Variants in MYO1F observed in about 807,000 individuals in gnomAD.
The protein encoded by MYO1F is unconventional myosin-If.
Under a neutral mutation model 146.6 loss-of-function variants are expected in MYO1F, and 60 were observed. That is an observed-to-expected ratio of 0.41 (90% CI 0.33 to 0.51). MYO1F has a LOEUF of 0.51. Ranked by LOEUF, MYO1F falls within the 20% of genes least tolerant of loss-of-function variation. The probability of loss-of-function intolerance (pLI) is 0.25; values close to 1 mark genes in which losing one functional copy is unlikely to be tolerated. For synonymous variants in MYO1F, 602 were observed against 602.1 expected, an observed-to-expected ratio of 1.00 and a Z score of 0.00; for missense variants, 1,274 against 1,534.3, an observed-to-expected ratio of 0.83 and a Z score of 2.83.
At chr19:8,526,628 G>T (rs1254764073) in intron 23 of MYO1F, 27 bp from the exon 24 acceptor site, 3 of 1,573,560 alleles carry the variant, frequency 1.9e-6, no homozygotes. Flanking sequence ...AAGCTTGGGG[G>T]CGCTGGCTGA....
At position 8,545,727 on chromosome 19, in the gene MYO1F, C is replaced by T; in HGVS notation, c.1279G>A (p.Val427Met). ...LTLKAEQEEYVQEGIRWTPIQ... is the reference protein window; with the variant it reads ...LTLKAEQEEYMQEGIRWTPIQ... Reference sequence around the variant, plus strand: ...GGAGTCCAGCGGATGCCTTCCTGCACATACTCCTCCTGGGGTGGAAAAGGG... The same window carrying T: ...GGAGTCCAGCGGATGCCTTCCTGCATATACTCCTCCTGGGGTGGAAAAGGG... The change falls in exon 13 of 28, where the codon GTG (valine) becomes ATG (methionine). Residue 427 changes from valine (V) to methionine (M), a missense_variant. Coordinates refer to ENST00000644032, the MANE Select transcript of MYO1F (RefSeq NM_012335.4). 1 of 1,613,902 alleles carries T rather than the reference C, an allele frequency of 6.2e-7. No homozygotes were observed. Among genetic ancestry groups the T allele is most frequent in the Non-Finnish European group, 8.5e-7 (1 of 1,179,824 alleles).
At chr19:8,555,404 A>G (rs1444363058) in intron 2 of MYO1F, 10 of 392,070 alleles carry the variant, frequency 2.6e-5, no homozygotes, top group South Asian at 6.4e-5. Context: ...AAAAAAAAAA[A>G]AAGAACAAAC....
chr19:8,539,136 C>T (rs576568797), intron 16 of MYO1F, among the ~76,000 whole-genome samples: 15 of 150,910 alleles, frequency 9.9e-5, no homozygotes, highest in Admixed American at 4.6e-4. Context: ...AAAATTAGGC[C>T]GAGCGCGGTG....
intron 19 of MYO1F, among the ~76,000 whole-genome samples, chr19:8,535,810 G>A (rs558479901): frequency 1.3e-5 from 2 of 152,064 alleles, no homozygotes; most frequent in South Asian, 4.2e-4. Context: ...CTCCTGAGTA[G>A]CTGGGACCAC....
chr19:8,522,556 C>G lies in MYO1F; in HGVS notation c.3051-10G>C. 5 of 1,610,814 alleles carry G rather than the reference C, an allele frequency of 3.1e-6. No homozygotes were observed. Among genetic ancestry groups the G allele is most frequent in the Non-Finnish European group, 4.2e-6 (5 of 1,178,862 alleles). ...GCGCTTCCTCTGCATGCTGTGGGCA[C>G]AGGGGGTTTGAGTCACAGCCCCAGA... On this transcript the variant is annotated splice_polypyrimidine_tract_variant and intron_variant, in intron 26 of 27. Transcript: ENST00000644032.
intron 1 of MYO1F, among the ~76,000 whole-genome samples, chr19:8,566,931 C>T (rs1169034154): frequency 1.3e-5 from 2 of 152,020 alleles, no homozygotes; most frequent in Non-Finnish European, 2.9e-5. Context: ...CTTGCTTCAG[C>T]CTATGAAAGT....
intron 21 of MYO1F, chr19:8,529,862 A>C: frequency 2.0e-6 from 1 of 493,440 alleles, no homozygotes; most frequent in African/African-American, 2.0e-5. Context: ...GAACAGATTG[A>C]TCTAGGCTGG....
intron 1 of MYO1F, among the ~76,000 whole-genome samples, chr19:8,568,569 C>G (rs59472184): frequency 6.6e-6 from 1 of 152,060 alleles, no homozygotes; most frequent in East Asian, 1.9e-4. Context: ...TGACAGTTGA[C>G]TGACTGTGTG....
At chr19:8,553,063 G>A (rs1040634114) in intron 6 of MYO1F, 76 bp downstream of exon 6, 2 of 1,336,488 alleles carry the variant, frequency 1.5e-6, no homozygotes, top group Admixed American at 3.4e-5. Flanking sequence ...ATACGGGTGT[G>A]TGTATGTGTG....
At position 8,545,634 on chromosome 19, in the gene MYO1F, T is replaced by G. The variant is rs765949900; in HGVS notation, c.1356+16A>C. 8 of 1,610,868 alleles carry G rather than the reference T, an allele frequency of 5.0e-6. No individual in the cohort carries two copies. Among genetic ancestry groups the G allele is most frequent in the Middle Eastern group, 1.7e-4 (1 of 6,034 alleles). ...GACCAGTGAGACGCCCCCGCCAAAG[T>G]TGACCCAGCCCTCACCAGCTTGTTT... On this transcript the variant is annotated intron_variant, in intron 13 of 27. Coordinates refer to ENST00000644032, the MANE Select transcript of MYO1F (RefSeq NM_012335.4).
At chr19:8,563,734 A>T (rs2041949789) in intron 1 of MYO1F, among the ~76,000 whole-genome samples, 1 of 148,984 alleles carries the variant, frequency 6.7e-6, no homozygotes, top group Non-Finnish European at 1.5e-5. Flanking sequence ...CTGGTCTGGA[A>T]CTCCTGACCT....
intron 1 of MYO1F, among the ~76,000 whole-genome samples, chr19:8,571,168 C>G (rs1468975761): frequency 6.6e-6 from 1 of 152,184 alleles, no homozygotes; most frequent in Non-Finnish European, 1.5e-5. Flanking sequence ...CCTTCCTCAC[C>G]CAGGTCCTGC....
At chr19:8,562,712 T>C (rs1239257134) in intron 1 of MYO1F, among the ~76,000 whole-genome samples, 1 of 151,386 alleles carries the variant, frequency 6.6e-6, no homozygotes, top group African/African-American at 2.4e-5. Context: ...TTAAATTTTT[T>C]TTTTACAGAT....
At chr19:8,572,495 T>A (rs2042128870) in intron 1 of MYO1F, among the ~76,000 whole-genome samples, 1 of 152,014 alleles carries the variant, frequency 6.6e-6, no homozygotes, top group South Asian at 2.1e-4. Context: ...CTCGAACACC[T>A]GACCTCAAGT....
chr19:8,575,298 A>G (rs918322706), intron 1 of MYO1F, among the ~76,000 whole-genome samples: 4 of 148,172 alleles, frequency 2.7e-5, no homozygotes, highest in Non-Finnish European at 4.5e-5. Flanking sequence ...GATCGTTTCT[A>G]TCTCTTGACT....
At position 8,553,868 on chromosome 19, in the gene MYO1F, T is replaced by TCACACACACACACACACACA. The variant is rs374157870; in HGVS notation, c.327-451_327-432dup. ...GCCTGGGTGACAGACTGAGACTCTG[T>TCACACACACACACACACACA]CACACACACACACACACACACACAC... On this transcript the variant is annotated intron_variant, in intron 4 of 27. Transcript: ENST00000644032. Among the ~76,000 whole-genome samples the TCACACACACACACACACACA allele has an allele frequency of 5.4e-3, 653 of 121,472 alleles. 12 individuals carry two copies. Among genetic ancestry groups the TCACACACACACACACACACA allele is most frequent in the African/African-American group, 0.018 (538 of 29,132 alleles). The allele number at this position is 121,472 out of a possible 152,430, so 79.7% of individuals were successfully genotyped here. A position where few individuals can be genotyped will look rare whatever the true frequency, so the allele number is the denominator to read the frequency against.
At chr19:8,547,874 G>T in intron 12 of MYO1F, 162 bp downstream of exon 12, 1 of 667,796 alleles carries the variant, frequency 1.5e-6, no homozygotes, top group Non-Finnish European at 2.6e-6. Flanking sequence ...AAGCTTTAGA[G>T]GCAGAAGGAA....
At chr19:8,532,903 TACACACACACACACACACACACACACAC>T (rs60799506) in intron 19 of MYO1F, among the ~76,000 whole-genome samples, 3 of 113,162 alleles carry the variant, frequency 2.7e-5, no homozygotes, top group East Asian at 2.5e-4. Flanking sequence ...AAAAAAAAAA[TACACACACACACACACACACACACACAC>T]ACACACACAC....
Position 8,536,394 on chromosome 19 carries a change from T to C in MYO1F, c.1901A>G (p.Tyr634Cys), listed in dbSNP as rs1390048273. The C allele has an allele frequency of 1.2e-6, 2 of 1,606,144 alleles. No homozygotes were observed. The highest frequency in any genetic ancestry group is 1.3e-5 in the African/African-American group (1 of 74,688). Residue 634 changes from tyrosine (Y) to cysteine (C), a missense_variant and splice_region_variant, in exon 19 of 28, where the codon TAT (tyrosine) becomes TGT (cysteine). Physicochemically the swap from Tyr to Cys is radical, Grantham distance 194. Coordinates refer to ENST00000644032, the MANE Select transcript of MYO1F (RefSeq NM_012335.4). ...CCACGTCTCGGGGGTCAGAATGGCA[T>C]ACCTGAGGGCGGAGGGCTGGGGTGT... ...RRQFAKFLQR[Y>C]AILTPETWPR...
Sources: gnomAD v4.1 joint callset for allele counts (sites outside exome capture counted in the v4.1 genomes callset) on GRCh38, gnomAD v4.1.1 for gene constraint, MANE v1.5 for transcripts, NCBI Gene and HGNC (gene_info 2026-07-23, HGNC 2026-07-21) for gene names.